EPB41: variants seen among roughly 807,000 people sequenced by gnomAD.
The protein encoded by EPB41 is erythrocyte membrane protein band 4.1.
EPB41 carries 65 observed loss-of-function variants against 108.0 expected under a neutral mutation model. The ratio of observed to expected loss-of-function variants is 0.60; its 90% confidence interval spans 0.49 to 0.74. EPB41 has a LOEUF of 0.74. Among genes scored for constraint, EPB41 ranks in the 30% least tolerant of loss-of-function variants. The pLI is 0.00. For synonymous variants in EPB41, 336 were observed against 358.9 expected (o/e 0.94, Z 0.72); for missense variants, 875 against 1,037.0 (o/e 0.84, Z 2.15).
chr1:29,022,382 A>AG (rs1271814036), intron 7 of EPB41, among the ~76,000 whole-genome samples: 2 of 151,194 alleles, frequency 1.3e-5, no homozygotes, highest in Non-Finnish European at 3.0e-5. Context: ...TAAAAAAAAA[A>AG]AAAAAAAAAG....
Position 29,048,346 on chromosome 1 carries a change from C to G in EPB41, c.1637-4758C>G, listed in dbSNP as rs147168958. Among the ~76,000 whole-genome samples the G allele has an allele frequency of 4.6e-3, 706 of 152,120 alleles. 8 individuals carry two copies. Among genetic ancestry groups the G allele is most frequent in the African/African-American group, 0.016 (668 of 41,506 alleles). On this transcript the variant is annotated intron_variant, in intron 11 of 20. Coordinates refer to ENST00000343067, the MANE Select transcript of EPB41 (RefSeq NM_001376013.1). The stretch of plus-strand genomic sequence containing the variant: ...TCTCCTGCCTCAGCCTCCCGAGTAG[C>G]TGGGATTACAGGCATGCACCACCAC...
chr1:28,987,014 G>A lies in EPB41; in HGVS notation c.-7-417G>A, dbSNP rs189659539. ...TTTAAATTTCATCGTCTCTTGGTGT[G>A]TGGAGAATTTTGCAGGGAATAATTC... On this transcript the variant is annotated intron_variant, in intron 1 of 20. Transcript: ENST00000343067. Among the ~76,000 whole-genome samples, 6 of 152,314 alleles carry A rather than the reference G, an allele frequency of 3.9e-5. No individual in the cohort carries two copies. The East Asian group carries it at 9.6e-4, about 24-fold the overall frequency.
chr1:29,075,299 G>A (rs527867070), intron 16 of EPB41, among the ~76,000 whole-genome samples: 1 of 152,116 alleles, frequency 6.6e-6, no homozygotes, highest in South Asian at 2.1e-4. Context: ...CTAACATGGT[G>A]AAACCCTATC....
chr1:28,999,239 G>A (rs765876658), intron 4 of EPB41, among the ~76,000 whole-genome samples: 100 of 152,150 alleles, frequency 6.6e-4, no homozygotes, highest in Non-Finnish European at 1.2e-3. Context: ...GCATGGTGGC[G>A]GGCGCCTGTA....
intron 10 of EPB41, among the ~76,000 whole-genome samples, chr1:29,037,263 G>A (rs1639839458): frequency 6.6e-6 from 1 of 151,676 alleles, no homozygotes; most frequent in Non-Finnish European, 1.5e-5. Context: ...TGTATTTTTA[G>A]TAGAGATGGA....
At position 28,921,938 on chromosome 1, in the gene EPB41, TTATATA is replaced by T. The variant is rs66808636; in HGVS notation, c.-8+7189_-8+7194del. ...TAAATAGTATTTTATTTATGAAATT[TTATATA>T]TATATATATATATATATACACTTTT... On this transcript the variant is annotated intron_variant, in intron 1 of 20. Transcript: ENST00000343067. Among the ~76,000 whole-genome samples the T allele has an allele frequency of 4.6e-4, 47 of 102,650 alleles. 1 individual carries two copies. Among genetic ancestry groups the T allele is most frequent in the East Asian group, 3.5e-3 (4 of 1,158 alleles). The allele number at this position is 102,650 out of a possible 152,430, so 67.3% of individuals were successfully genotyped here.
At chr1:29,076,484 T>C (rs1384968683) in intron 16 of EPB41, among the ~76,000 whole-genome samples, 2 of 152,204 alleles carry the variant, frequency 1.3e-5, no homozygotes, top group African/African-American at 4.8e-5. Context: ...ATCAGTGTTA[T>C]ATTTTGAGGA....
intron 18 of EPB41, among the ~76,000 whole-genome samples, chr1:29,110,340 A>C (rs1668744675): frequency 6.6e-6 from 1 of 152,192 alleles, no homozygotes; most frequent in African/African-American, 2.4e-5. Context: ...GCAAGACCCT[A>C]AAACCTATCT....
At chr1:28,966,867 T>C (rs1406825674) in intron 1 of EPB41, among the ~76,000 whole-genome samples, 1 of 152,224 alleles carries the variant, frequency 6.6e-6, no homozygotes, top group Non-Finnish European at 1.5e-5. Flanking sequence ...CCCTTTATTC[T>C]GAATGGCAGG....
chr1:28,946,630 A>G (rs1191286002), intron 1 of EPB41, among the ~76,000 whole-genome samples: 1 of 152,202 alleles, frequency 6.6e-6, no homozygotes, highest in Non-Finnish European at 1.5e-5. Context: ...TCAATAACAT[A>G]TGATTACTTG....
intron 16 of EPB41, among the ~76,000 whole-genome samples, chr1:29,091,622 A>G (rs1661212899): frequency 6.6e-6 from 1 of 152,162 alleles, no homozygotes. Context: ...ATATTATTGT[A>G]TTTTATCTTC....
intron 1 of EPB41, among the ~76,000 whole-genome samples, chr1:28,963,475 T>C (rs1259864406): frequency 6.6e-6 from 1 of 151,982 alleles, no homozygotes; most frequent in Non-Finnish European, 1.5e-5. Flanking sequence ...AGAAATAACA[T>C]GGAATTGAGA....
intron 1 of EPB41, among the ~76,000 whole-genome samples, chr1:28,960,311 C>G (rs1012928680): frequency 1.3e-5 from 2 of 151,898 alleles, no homozygotes; most frequent in Admixed American, 1.3e-4. Flanking sequence ...ATATCCAGTC[C>G]TTCCTTGCTT....
intron 16 of EPB41, among the ~76,000 whole-genome samples, chr1:29,094,863 A>C (rs1662634733): frequency 6.6e-6 from 1 of 152,146 alleles, no homozygotes; most frequent in Non-Finnish European, 1.5e-5. Flanking sequence ...TCCCCTGGAT[A>C]CCAAAATCCA....
chr1:29,034,682 T>A (rs1034142465), intron 9 of EPB41, among the ~76,000 whole-genome samples: 1 of 152,124 alleles, frequency 6.6e-6, no homozygotes, highest in African/African-American at 2.4e-5. Context: ...CCTGGGAGAA[T>A]ATGTTTTGCT....
chr1:28,979,339 G>A lies in EPB41; in HGVS notation c.-7-8092G>A, dbSNP rs2095679867. 3.3e-5 allele frequency among the ~76,000 whole-genome samples: 5 copies of A among 151,400 alleles called. 1 individual carries two copies. The highest frequency in any genetic ancestry group is 2.1e-4 in the South Asian group (1 of 4,816). The stretch of plus-strand genomic sequence containing the variant: ...ACAACCACTCTCCAAATACAAGTGC[G>A]GTGAGTGTTTTGAAGACCATACAAG... On this transcript the variant is annotated intron_variant, in intron 1 of 20. Transcript: ENST00000343067.
intron 1 of EPB41, among the ~76,000 whole-genome samples, chr1:28,943,914 A>G (rs1314363409): frequency 2.0e-5 from 3 of 152,242 alleles, no homozygotes; most frequent in South Asian, 2.1e-4. Context: ...CTGCACTCCA[A>G]TGTTTGTTGC....
intron 1 of EPB41, among the ~76,000 whole-genome samples, chr1:28,958,443 G>A (rs987318338): frequency 6.6e-6 from 1 of 151,230 alleles, no homozygotes; most frequent in Non-Finnish European, 1.5e-5. Context: ...GTGATATCCT[G>A]TCTTAAAAAA....
In EPB41 at chr1:29,076,670, G is replaced by C. The variant is rs891976717; in HGVS notation, c.2184+11512G>C. Among the ~76,000 whole-genome samples, 11 of 152,302 alleles carry C rather than the reference G, an allele frequency of 7.2e-5. No individual in the cohort carries two copies. The South Asian group carries it at 2.1e-3, about 29-fold the overall frequency. On this transcript the variant is annotated intron_variant, in intron 16 of 20. Transcript: ENST00000343067. The stretch of plus-strand genomic sequence containing the variant: ...TATGATTTATACCCCACCAGAAAAA[G>C]TGATAATAAATATTTGAAGTGTTGT...
Sources: allele counts gnomAD v4.1 joint callset (sites outside exome capture counted in the v4.1 genomes callset), GRCh38; gene constraint gnomAD v4.1.1; transcripts MANE v1.5; gene names NCBI Gene and HGNC (gene_info 2026-07-23, HGNC 2026-07-21).